Variants in DLC1 observed in about 807,000 individuals in gnomAD.
DLC1 encodes rho GTPase-activating protein 7.
DLC1 carries 54 observed loss-of-function variants against 140.3 expected under a neutral mutation model. The ratio of observed to expected loss-of-function variants is 0.38; its 90% confidence interval spans 0.31 to 0.48. The LOEUF (loss-of-function observed/expected upper bound fraction) is 0.48, where lower values mean the gene tolerates loss of function less well. DLC1 is among the 20% of genes least tolerant of loss of function. The pLI, the probability that DLC1 is intolerant of heterozygous loss-of-function variation, is 0.96. For synonymous variants in DLC1, 986 were observed against 728.1 expected (o/e 1.35, Z -5.70); for missense variants, 2,536 against 1,907.0 (o/e 1.33, Z -6.14).
chr8:13,478,295 G>T (rs190917512), intron 2 of DLC1, among the ~76,000 whole-genome samples: 1 of 152,082 alleles, frequency 6.6e-6, no homozygotes, highest in Admixed American at 6.6e-5. Context: ...ACTTTTAAAC[G>T]ATCAGAACTC....
chr8:13,151,503 A>C (rs2128977624), intron 5 of DLC1, among the ~76,000 whole-genome samples: 1 of 152,328 alleles, frequency 6.6e-6, no homozygotes, highest in East Asian at 1.9e-4. Flanking sequence ...GCTTAAGTGT[A>C]ATCTGCATTT....
At chr8:13,390,458 C>G (rs977918121) in intron 4 of DLC1, among the ~76,000 whole-genome samples, 3 of 152,114 alleles carry the variant, frequency 2.0e-5, no homozygotes, top group African/African-American at 7.2e-5. Flanking sequence ...TGTCTTTATA[C>G]TAGAATGATT....
intron 3 of DLC1, among the ~76,000 whole-genome samples, chr8:13,399,853 G>C (rs1403565398): frequency 6.6e-6 from 1 of 152,056 alleles, no homozygotes; most frequent in Non-Finnish European, 1.5e-5. Context: ...ACTGGGGTGG[G>C]GTAGGGGGGC....
intron 4 of DLC1, among the ~76,000 whole-genome samples, chr8:13,353,036 C>A (rs1276489493): frequency 6.6e-6 from 1 of 152,018 alleles, no homozygotes; most frequent in Non-Finnish European, 1.5e-5. Flanking sequence ...TTTTAAAATA[C>A]CATATATATA....
chr8:13,430,408 C>T (rs1838808797), intron 2 of DLC1, among the ~76,000 whole-genome samples: 1 of 152,126 alleles, frequency 6.6e-6, no homozygotes. Context: ...TGCTTAATTA[C>T]CATTTACTAG....
intron 2 of DLC1, among the ~76,000 whole-genome samples, chr8:13,484,048 C>G (rs535079800): frequency 6.6e-6 from 1 of 152,066 alleles, no homozygotes; most frequent in Non-Finnish European, 1.5e-5. Flanking sequence ...CCATTGCACT[C>G]CAGCCTGGGC....
At chr8:13,369,114 G>C (rs983660090) in intron 4 of DLC1, among the ~76,000 whole-genome samples, 2 of 152,176 alleles carry the variant, frequency 1.3e-5, no homozygotes, top group African/African-American at 4.8e-5. Context: ...ATTCAGGGCA[G>C]TGCTATGATT....
intron 4 of DLC1, among the ~76,000 whole-genome samples, chr8:13,333,508 C>G (rs1299764775): frequency 6.6e-6 from 1 of 152,112 alleles, no homozygotes; most frequent in African/African-American, 2.4e-5. Context: ...TTTAGACTCC[C>G]AATATGTGGG....
intron 5 of DLC1, among the ~76,000 whole-genome samples, chr8:13,206,700 A>G (rs1425898911): frequency 6.6e-6 from 1 of 152,116 alleles, no homozygotes; most frequent in East Asian, 1.9e-4. Flanking sequence ...TGACATTGAT[A>G]TTCTAATGTT....
chr8:13,131,043 T>G (rs1822031221), intron 5 of DLC1, among the ~76,000 whole-genome samples: 1 of 152,118 alleles, frequency 6.6e-6, no homozygotes, highest in Admixed American at 6.5e-5. Flanking sequence ...CAAAATAACT[T>G]TTGTGCACAC....
At chr8:13,447,949 T>C (rs1461842956) in intron 2 of DLC1, among the ~76,000 whole-genome samples, 1 of 152,214 alleles carries the variant, frequency 6.6e-6, no homozygotes, top group Non-Finnish European at 1.5e-5. Context: ...AAATTTAGGA[T>C]GGCGTGTGTG....
At chr8:13,145,991 C>T (rs944786348) in intron 5 of DLC1, among the ~76,000 whole-genome samples, 1 of 152,062 alleles carries the variant, frequency 6.6e-6, no homozygotes, top group African/African-American at 2.4e-5. Context: ...TTAAAATATA[C>T]TGTAGGGCCG....
intron 4 of DLC1, among the ~76,000 whole-genome samples, chr8:13,311,267 C>T (rs1170647486): frequency 6.6e-6 from 1 of 152,132 alleles, no homozygotes; most frequent in East Asian, 1.9e-4. Flanking sequence ...GGAAACTAGA[C>T]CAGAATGTGG....
chr8:13,514,607 C>T lies in DLC1; in HGVS notation c.-131G>A. Reference sequence around the variant, plus strand: ...GATAGTCCATAGCGTCTTACCTAGACAACGAGGAGCTGAAACGCCAAGGCA... The same window carrying T: ...GATAGTCCATAGCGTCTTACCTAGATAACGAGGAGCTGAAACGCCAAGGCA... On this transcript the variant is annotated 5_prime_UTR_variant, in exon 1 of 18. Coordinates refer to ENST00000276297, the MANE Select transcript of DLC1 (RefSeq NM_182643.3). 1 of 398,566 alleles carries T rather than the reference C, an allele frequency of 2.5e-6. No homozygotes were observed. The highest frequency in any genetic ancestry group is 4.4e-6 in the Non-Finnish European group (1 of 226,030). 24.7% of individuals were successfully genotyped at this position (398,566 alleles called of 1,614,324 possible).
At chr8:13,256,283 A>G (rs1404337438) in intron 5 of DLC1, among the ~76,000 whole-genome samples, 1 of 152,212 alleles carries the variant, frequency 6.6e-6, no homozygotes, top group Non-Finnish European at 1.5e-5. Flanking sequence ...TTTTACATAG[A>G]CTAAATTATT....
chr8:13,234,783 G>C (rs1328959262), intron 5 of DLC1, among the ~76,000 whole-genome samples: 1 of 152,108 alleles, frequency 6.6e-6, no homozygotes, highest in African/African-American at 2.4e-5. Flanking sequence ...ATGCTGAAAA[G>C]TTAAATTTGG....
At chr8:13,579,754 A>G (rs1805014998) in intron 1 of DLC1, among the ~76,000 whole-genome samples, 1 of 151,154 alleles carries the variant, frequency 6.6e-6, no homozygotes, top group South Asian at 2.1e-4. Context: ...TAGCAGCAGC[A>G]GCAAAAACAT....
intron 5 of DLC1, among the ~76,000 whole-genome samples, chr8:13,135,365 T>C (rs1471713373): frequency 6.6e-6 from 1 of 151,990 alleles, no homozygotes; most frequent in Non-Finnish European, 1.5e-5. Flanking sequence ...GTATTTTTAG[T>C]AGAGACAGGG....
chr8:13,475,762 T>C (rs1800407355), intron 2 of DLC1, among the ~76,000 whole-genome samples: 1 of 152,184 alleles, frequency 6.6e-6, no homozygotes, highest in African/African-American at 2.4e-5. Flanking sequence ...AAAGTGAGGC[T>C]GCAGTGAGTG....
Sources: gnomAD v4.1 joint callset for allele counts (sites outside exome capture counted in the v4.1 genomes callset) on GRCh38, gnomAD v4.1.1 for gene constraint, MANE v1.5 for transcripts, NCBI Gene and HGNC (gene_info 2026-07-23, HGNC 2026-07-21) for gene names.